Variants in PKHD1 observed in about 807,000 individuals in gnomAD.
PKHD1 encodes fibrocystin.
PKHD1 carries 291 observed loss-of-function variants against 412.0 expected under a neutral mutation model. The ratio of observed to expected loss-of-function variants is 0.71; its 90% CI spans 0.64 to 0.78. The LOEUF is 0.78. Ranked by LOEUF, PKHD1 falls within the 30% of genes least tolerant of loss-of-function variation. The pLI is 0.00. For missense variants in PKHD1, 4,825 were observed against 4,950.7 expected, an observed-to-expected ratio of 0.97 and a Z score of 0.76; for synonymous variants, 1,777 against 1,821.5, an observed-to-expected ratio of 0.98 and a Z score of 0.62.
chr6:51,707,505 C>T (rs1780147636), intron 60 of PKHD1, among the ~76,000 whole-genome samples: 2 of 152,156 alleles, frequency 1.3e-5, no homozygotes, highest in African/African-American at 2.4e-5. Context: ...ACTGACTTAT[C>T]CTCATGAATA....
At chr6:52,074,682 G>T (rs745833685) in intron 6 of PKHD1, among the ~76,000 whole-genome samples, 2 of 152,162 alleles carry the variant, frequency 1.3e-5, no homozygotes, top group Non-Finnish European at 1.5e-5. Flanking sequence ...ATTCCATGTC[G>T]TAGTGAAGGA....
At chr6:51,902,837 C>G (rs1781492708) in intron 43 of PKHD1, among the ~76,000 whole-genome samples, 1 of 152,062 alleles carries the variant, frequency 6.6e-6, no homozygotes, top group East Asian at 1.9e-4. Flanking sequence ...CAAGGGAAAC[C>G]AATGTTAAGT....
At position 52,043,777 on chromosome 6, in the gene PKHD1, A is replaced by T. The variant is rs751511398; in HGVS notation, c.2716-47T>A. 3.1e-6 allele frequency: 4 copies of T among 1,292,992 alleles called. No homozygotes were observed. In the Admixed American group the frequency reaches 6.7e-5, roughly 22 times the overall value. 80.1% of individuals were successfully genotyped at this position (1,292,992 alleles called of 1,614,324 possible). ...TTTCCATTTTATGCATTTCATATCTACCAGGGTATTCATAAAGTATATGTG... is the reference window on the plus strand; with the variant it reads ...TTTCCATTTTATGCATTTCATATCTTCCAGGGTATTCATAAAGTATATGTG... On this transcript the variant is annotated intron_variant, in intron 25 of 66. Coordinates refer to ENST00000371117, the MANE Select transcript of PKHD1 (RefSeq NM_138694.4).
At position 51,659,561 on chromosome 6, in the gene PKHD1, G is replaced by A. The variant is rs747794698; in HGVS notation, c.10565C>T (p.Ser3522Leu). ...AGATTCATTCAGCAATAAGGAAGCTGACTGAACCAGAGTGGGTGGAATAAA... is the reference window on the plus strand; with the variant it reads ...AGATTCATTCAGCAATAAGGAAGCTAACTGAACCAGAGTGGGTGGAATAAA... ...ESFIPPTLVQ[S>L]ASLLLNESIG... Residue 3522 changes from serine to leucine, a missense_variant, in exon 61 of 67, where the codon TCA becomes TTA. Coordinates refer to ENST00000371117, the MANE Select transcript of PKHD1 (RefSeq NM_138694.4). 6.2e-7 allele frequency: 1 copy of A among 1,613,746 alleles called. No individual in the cohort carries two copies. The highest frequency in any genetic ancestry group is 8.5e-7 in the Non-Finnish European group (1 of 1,179,852).
At chr6:52,011,125 C>A (rs1438902246) in intron 34 of PKHD1, among the ~76,000 whole-genome samples, 1 of 152,178 alleles carries the variant, frequency 6.6e-6, no homozygotes, top group East Asian at 1.9e-4. Flanking sequence ...CAGCCACTCG[C>A]TTTAAAAGTC....
intron 35 of PKHD1, among the ~76,000 whole-genome samples, chr6:51,986,325 A>G (rs1796213879): frequency 6.6e-6 from 1 of 152,200 alleles, no homozygotes; most frequent in Admixed American, 6.5e-5. Flanking sequence ...CTTCTTCAAG[A>G]TGTGTCTTTC....
Position 51,633,236 on chromosome 6 carries a change from G to A in PKHD1, c.11507-513C>T, listed in dbSNP as rs527737364. 3.6e-4 allele frequency among the ~76,000 whole-genome samples: 55 copies of A among 152,176 alleles called. 1 individual carries two copies. The South Asian group carries it at 3.7e-3, about 10-fold the overall frequency. On this transcript the variant is annotated intron_variant, in intron 64 of 66. Coordinates refer to ENST00000371117, the MANE Select transcript of PKHD1 (RefSeq NM_138694.4). ...TAGAACAATGGCAGATAGAACTGCC[G>A]GCCATGAATGATGGGGCAAGATAGC...
chr6:52,061,080 T>C (rs980613888), intron 14 of PKHD1, among the ~76,000 whole-genome samples: 14 of 152,210 alleles, frequency 9.2e-5, no homozygotes, highest in African/African-American at 3.4e-4. Context: ...ATACACCAAA[T>C]GCAGCTGAAA....
rs187728966 is a variant in PKHD1 at position 51,989,352 on chromosome 6, A to G, written c.5751+20957T>C. On this transcript the variant is annotated intron_variant, in intron 35 of 66. Transcript: ENST00000371117. ...TAAAAAGGAGCCAATTAAAGTTTCT[A>G]TTATCATGAAATACAATTCTGTTGG... 1.3e-3 allele frequency among the ~76,000 whole-genome samples: 204 copies of G among 152,376 alleles called. 1 individual carries two copies. Among genetic ancestry groups the G allele is most frequent in the Non-Finnish European group, 9.1e-4 (62 of 68,038 alleles).
In PKHD1 at chr6:51,632,711, G is replaced by T; in HGVS notation, c.11519C>A (p.Thr3840Lys). The stretch of plus-strand genomic sequence containing the variant: ...GACAGCAAATGGCTTGGATCGAGCT[G>T]TAAAATTGACTCCTGTGGCGGGGAA... ...TVTSPPGVNF[T>K]ARSKPFAVLP... is the part of the protein sequence containing the mutation. Residue 3840 changes from threonine (T) to lysine (K), a missense_variant, in exon 65 of 67, where the codon ACA becomes AAA. Transcript: ENST00000371117. The T allele has an allele frequency of 1.9e-6, 3 of 1,613,156 alleles. No individual in the cohort carries two copies. The highest frequency in any genetic ancestry group is 1.3e-5 in the African/African-American group (1 of 74,982).
At chr6:51,728,726 C>T (rs1782884011) in intron 60 of PKHD1, among the ~76,000 whole-genome samples, 1 of 152,198 alleles carries the variant, frequency 6.6e-6, no homozygotes, top group African/African-American at 2.4e-5. Context: ...TTCTGACCTA[C>T]AAAACTGTGA....
intron 43 of PKHD1, among the ~76,000 whole-genome samples, chr6:51,889,633 G>A (rs1778799928): frequency 6.6e-6 from 1 of 152,156 alleles, no homozygotes; most frequent in African/African-American, 2.4e-5. Context: ...TTATTAGGGG[G>A]GTGATGAGGA....
chr6:51,927,954 C>A (rs970128961), intron 37 of PKHD1, among the ~76,000 whole-genome samples: 7 of 151,982 alleles, frequency 4.6e-5, no homozygotes, highest in Non-Finnish European at 7.4e-5. Flanking sequence ...CTACAAGACT[C>A]CAGTGATTTC....
chr6:51,938,511 G>A lies in PKHD1; in HGVS notation c.5909-4189C>T, dbSNP rs565607684. Among the ~76,000 whole-genome samples, 94 of 59,156 alleles carry A rather than the reference G, an allele frequency of 1.6e-3. 1 individual carries two copies. The highest frequency in any genetic ancestry group is 0.015 in the South Asian group (24 of 1,642). 38.8% of individuals were successfully genotyped at this position (59,156 alleles called of 152,430 possible). ...ACGCTGTGACCCCCCACTCCTGCCC[G>A]CCAGAGAACAACCCCCCTTTTTCCT... On this transcript the variant is annotated intron_variant, in intron 36 of 66. Transcript: ENST00000371117.
chr6:51,654,854 C>G (rs147675342), intron 61 of PKHD1, among the ~76,000 whole-genome samples: 1 of 152,150 alleles, frequency 6.6e-6, no homozygotes, highest in Admixed American at 6.6e-5. Flanking sequence ...CAAATGTGAA[C>G]AGTCTACATT....
At chr6:51,686,469 C>T (rs1777455241) in intron 60 of PKHD1, among the ~76,000 whole-genome samples, 1 of 152,152 alleles carries the variant, frequency 6.6e-6, no homozygotes, top group African/African-American at 2.4e-5. Context: ...TCCTGTGGCT[C>T]AATCCCACAC....
chr6:51,805,009 AC>A (rs1763545843), intron 52 of PKHD1, among the ~76,000 whole-genome samples: 1 of 152,180 alleles, frequency 6.6e-6, no homozygotes, highest in African/African-American at 2.4e-5. Context: ...TACCATTAAA[AC>A]CAGCAATCAC....
intron 53 of PKHD1, among the ~76,000 whole-genome samples, chr6:51,790,904 A>G (rs1177071619): frequency 6.6e-6 from 1 of 152,168 alleles, no homozygotes; most frequent in Non-Finnish European, 1.5e-5. Context: ...CTTCTGAAAG[A>G]GCGAGTTAAA....
chr6:52,078,375 GA>G (rs1562297069), intron 5 of PKHD1, among the ~76,000 whole-genome samples: 1 of 152,162 alleles, frequency 6.6e-6, no homozygotes, highest in Non-Finnish European at 1.5e-5. Flanking sequence ...AAAGAGGGGA[GA>G]GGAAATGCAG....
Sources: gnomAD v4.1 joint callset for allele counts (sites outside exome capture counted in the v4.1 genomes callset) on GRCh38, gnomAD v4.1.1 for gene constraint, MANE v1.5 for transcripts, NCBI Gene and HGNC (gene_info 2026-07-23, HGNC 2026-07-21) for gene names.